Variants in LAMA1 observed in about 807,000 individuals in gnomAD.
The protein encoded by LAMA1 is laminin subunit alpha 1, also known as laminin subunit alpha-1.
LAMA1 carries 219 observed loss-of-function variants against 348.7 expected under a neutral mutation model. That is an observed-to-expected ratio of 0.63 (90% CI 0.56 to 0.70). The LOEUF (loss-of-function observed/expected upper bound fraction) is 0.70, where lower values mean the gene tolerates loss of function less well. LAMA1 is among the 30% of genes least tolerant of loss of function. The probability of loss-of-function intolerance (pLI) is 0.00; values close to 1 mark genes in which losing one functional copy is unlikely to be tolerated. For synonymous variants in LAMA1, 1,487 were observed against 1,491.0 expected, an observed-to-expected ratio of 1.00 and a Z score of 0.06; for missense variants, 3,744 against 3,888.0, an observed-to-expected ratio of 0.96 and a Z score of 0.99.
chr18:7,098,047 C>T (rs1020925842), intron 1 of LAMA1, among the ~76,000 whole-genome samples: 5 of 150,662 alleles, frequency 3.3e-5, no homozygotes, highest in African/African-American at 7.3e-5. Flanking sequence ...GACGGGGTTT[C>T]GCTGTGTTGG....
intron 42 of LAMA1, 112 bp downstream of exon 42, chr18:6,980,409 C>T (rs2057705722): frequency 2.6e-6 from 2 of 776,170 alleles, no homozygotes; most frequent in African/African-American, 1.7e-5. Flanking sequence ...ATCTTAGTCT[C>T]ATTTTTGAGC....
chr18:7,108,640 CAAAAAAAAAA>C (rs58802341), intron 1 of LAMA1, among the ~76,000 whole-genome samples: 26 of 40,238 alleles, frequency 6.5e-4, no homozygotes, highest in East Asian at 1.5e-3. Flanking sequence ...GACTCTGTCT[CAAAAAAAAAA>C]AAAAAAAAAA....
chr18:7,076,766 A>G (rs1267925869), intron 3 of LAMA1: 1 of 152,114 alleles, frequency 6.6e-6, no homozygotes, highest in Non-Finnish European at 1.5e-5. Flanking sequence ...TTGCCCAAGG[A>G]GGCTGAAATG....
intron 34 of LAMA1, 111 bp downstream of exon 34, chr18:6,995,246 A>T: frequency 1.3e-6 from 1 of 780,650 alleles, no homozygotes; most frequent in East Asian, 2.5e-5. Context: ...CGTGGGAGGA[A>T]GAGGCTGGCA....
intron 25 of LAMA1, 82 bp downstream of exon 25, chr18:7,011,218 C>G: frequency 6.8e-7 from 1 of 1,460,374 alleles, no homozygotes; most frequent in East Asian, 2.4e-5. Flanking sequence ...AATGACAGGC[C>G]GGCCCAGACT....
chr18:7,051,005 G>A, intron 3 of LAMA1, 69 bp from the exon 4 acceptor site: 1 of 1,571,750 alleles, frequency 6.4e-7, no homozygotes, highest in Non-Finnish European at 8.7e-7. Context: ...GAGAGCTACT[G>A]CATGATCTAA....
chr18:6,985,625 G>A lies in LAMA1; in HGVS notation c.5398C>T (p.Gln1800Ter). 6.2e-7 allele frequency: 1 copy of A among 1,613,476 alleles called. No homozygotes were observed. The highest frequency in any genetic ancestry group is 8.5e-7 in the Non-Finnish European group (1 of 1,179,520). Reference protein sequence around the residue: ...REFSDKKLHVQEEQNLTSELI... With the variant: ...REFSDKKLHV Reference sequence around the variant, plus strand: ...TCTGAGGTCAGATTTTGTTCTTCTTGAACATGCAGCTTTTTATCCTGCAGC... The same window carrying A: ...TCTGAGGTCAGATTTTGTTCTTCTTAAACATGCAGCTTTTTATCCTGCAGC... The change falls in exon 38 of 63, where the codon CAA (glutamine) becomes TAA (stop). Residue 1800 changes from glutamine (Q) to a stop codon, truncating the protein, a stop_gained. Coordinates refer to ENST00000389658, the MANE Select transcript of LAMA1 (RefSeq NM_005559.4). LOFTEE classifies it high-confidence loss of function.
intron 47 of LAMA1, among the ~76,000 whole-genome samples, chr18:6,972,835 C>A (rs1462319005): frequency 6.6e-6 from 1 of 152,176 alleles, no homozygotes; most frequent in Non-Finnish European, 1.5e-5. Flanking sequence ...GGATTACAGG[C>A]ATGTGCCACC....
At chr18:6,969,793 T>C (rs1173582596) in intron 48 of LAMA1, among the ~76,000 whole-genome samples, 1 of 152,036 alleles carries the variant, frequency 6.6e-6, no homozygotes, top group Non-Finnish European at 1.5e-5. Context: ...GGCCAGGTAT[T>C]TCAAGGGGAA....
rs1442435915 is a variant in LAMA1, at chr18:6,999,429, G to A, written c.4663+16C>T. 4.3e-6 allele frequency: 7 copies of A among 1,613,876 alleles called. No individual in the cohort carries two copies. Among genetic ancestry groups the A allele is most frequent in the South Asian group, 1.1e-5 (1 of 91,034 alleles). ...AGGAAAAACCATCTTTACACATTTA[G>A]AGGAGAAATACTCACAAACACAATC... On this transcript the variant is annotated intron_variant, in intron 32 of 62. Coordinates refer to ENST00000389658, the MANE Select transcript of LAMA1 (RefSeq NM_005559.4).
At position 6,958,459 on chromosome 18, in the gene LAMA1, G is replaced by T; in HGVS notation, c.7964+18C>A. The T allele has an allele frequency of 6.2e-7, 1 of 1,613,052 alleles. No homozygotes were observed. The highest frequency in any genetic ancestry group is 8.5e-7 in the Non-Finnish European group (1 of 1,178,978). On this transcript the variant is annotated intron_variant, in intron 55 of 62. Coordinates refer to ENST00000389658, the MANE Select transcript of LAMA1 (RefSeq NM_005559.4). Reference sequence around the variant, plus strand: ...AGGTCAGAAAGTGCAAGAACATGCAGAGAGCAGGTACACTTACTCCAAATT... The same window carrying T: ...AGGTCAGAAAGTGCAAGAACATGCATAGAGCAGGTACACTTACTCCAAATT...
chr18:6,960,306 T>A (rs952935875), intron 53 of LAMA1: 3 of 153,608 alleles, frequency 2.0e-5, no homozygotes, highest in African/African-American at 7.2e-5. Flanking sequence ...GAACACACTG[T>A]GGTATGTATA....
At chr18:7,049,374 A>G in intron 4 of LAMA1, 117 bp from the exon 5 acceptor site, 3 of 879,528 alleles carry the variant, frequency 3.4e-6, no homozygotes, top group Admixed American at 1.9e-5. Context: ...ATCTTGGCTC[A>G]CTGTAACCTC....
At position 7,115,814 on chromosome 18, in the gene LAMA1, C is replaced by CAAAACAAAAAAAAAAAAAA. The variant is rs58813825; in HGVS notation, c.61+1845_61+1846insTTTTTTTTTTTTTTGTTTT. On this transcript the variant is annotated intron_variant, in intron 1 of 62. Coordinates refer to ENST00000389658, the MANE Select transcript of LAMA1 (RefSeq NM_005559.4). ...TGAAACCCTGTCTCCACTAAAAATA[C>CAAAACAAAAAAAAAAAAAA]AAAAAAAAAAAAAAAAAAATAGCCG... 2.5e-4 allele frequency among the ~76,000 whole-genome samples: 24 copies of CAAAACAAAAAAAAAAAAAA among 94,836 alleles called. No homozygotes were observed. The East Asian group carries it at 2.6e-3, about 10-fold the overall frequency. 62.2% of individuals were successfully genotyped at this position (94,836 alleles called of 152,430 possible).
At chr18:7,017,443 A>C in intron 19 of LAMA1, 59 bp from the exon 20 acceptor site, 1 of 1,199,212 alleles carries the variant, frequency 8.3e-7, no homozygotes, top group Non-Finnish European at 1.2e-6. Context: ...TTATCATAAG[A>C]TCCGTCATCC....
At chr18:7,066,014 G>A (rs2058121497) in intron 3 of LAMA1, among the ~76,000 whole-genome samples, 1 of 152,282 alleles carries the variant, frequency 6.6e-6, no homozygotes, top group Middle Eastern at 3.4e-3. Context: ...TCTACCTTCA[G>A]TGCACTTTGG....
At chr18:7,021,853 T>A (rs9962073) in intron 19 of LAMA1, among the ~76,000 whole-genome samples, 11,269 of 67,918 alleles carry the variant, frequency 0.17, 802 homozygotes, top group African/African-American at 0.44. Context: ...TATATTATAT[T>A]ATATATATTA....
chr18:7,051,084 G>A (rs187253500), intron 3 of LAMA1, 148 bp from the exon 4 acceptor site: 9 of 981,778 alleles, frequency 9.2e-6, no homozygotes, highest in Middle Eastern at 2.4e-4. Flanking sequence ...CATGAGGTGC[G>A]AGGAGAGGGG....
rs149807552 is a variant in LAMA1, at chr18:6,942,130, C to T, written c.9177G>A (p.Ala3059=). ...GAAGGAAAACTCCGTGCAGTTCGAA[C>T]GCTCTGCTGAAGTCAAAGGACTGCA... The part of the protein sequence containing the change: ...PQVQSFDFSR[A]FELHGVFLHS... The change falls in exon 63 of 63, where the codon GCG becomes GCA. Residue 3059 remains alanine, a synonymous_variant. Coordinates refer to ENST00000389658, the MANE Select transcript of LAMA1 (RefSeq NM_005559.4). 42 of 1,614,046 alleles carry T rather than the reference C, an allele frequency of 2.6e-5. No homozygotes were observed. The highest frequency in any genetic ancestry group is 1.6e-4 in the Middle Eastern group (1 of 6,082).
Sources: gnomAD v4.1 joint callset for allele counts (sites outside exome capture counted in the v4.1 genomes callset) on GRCh38, gnomAD v4.1.1 for gene constraint, MANE v1.5 for transcripts, NCBI Gene and HGNC (gene_info 2026-07-23, HGNC 2026-07-21) for gene names.